The following METTL8 variants were observed in gnomAD, a reference collection of about 807,000 sequenced individuals.
The protein encoded by METTL8 is tRNA N(3)-cytidine methyltransferase METTL8, mitochondrial.
A neutral mutation model predicts 48.7 loss-of-function variants in METTL8; 32 were observed. The ratio of observed to expected loss-of-function variants is 0.66; its 90% CI spans 0.50 to 0.88. The LOEUF (loss-of-function observed/expected upper bound fraction) is 0.88, where lower values mean the gene tolerates loss of function less well. Among genes scored for constraint, METTL8 ranks in the 40% least tolerant of loss-of-function variants. METTL8 has a pLI of 0.00. For missense variants in METTL8, 464 were observed against 474.4 expected (o/e 0.98, Z 0.20); for synonymous variants, 136 against 157.1 (o/e 0.87, Z 1.01).
chr2:171,326,317 C>A (rs1684953113), intron 7 of METTL8, 169 bp from the exon 8 acceptor site: 5 of 544,924 alleles, frequency 9.2e-6, no homozygotes, highest in South Asian at 8.7e-5. Context: ...GAAGAAAAAA[C>A]CAAAACCAAC....
At chr2:171,402,098 T>C (rs2105595280) in intron 1 of METTL8, among the ~76,000 whole-genome samples, 1 of 152,244 alleles carries the variant, frequency 6.6e-6, no homozygotes, top group Admixed American at 6.5e-5. Flanking sequence ...GTGGTGGCTC[T>C]GAGAAGCTTT....
chr2:171,413,319 A>G (rs1282024021), intron 1 of METTL8, among the ~76,000 whole-genome samples: 2 of 152,238 alleles, frequency 1.3e-5, no homozygotes, highest in African/African-American at 4.8e-5. Context: ...TATCTGTGTG[A>G]GATCAGATTT....
At chr2:171,384,814 A>T (rs890072174) in intron 2 of METTL8, among the ~76,000 whole-genome samples, 1 of 152,204 alleles carries the variant, frequency 6.6e-6, no homozygotes, top group Non-Finnish European at 1.5e-5. Context: ...TCTAGGTGAC[A>T]GAGCAAGATG....
At chr2:171,391,674 A>G (rs1225386562) in intron 2 of METTL8, among the ~76,000 whole-genome samples, 1 of 152,198 alleles carries the variant, frequency 6.6e-6, no homozygotes, top group Non-Finnish European at 1.5e-5. Context: ...ACTGATCTGC[A>G]TTTGCTGGAT....
chr2:171,374,408 G>C (rs62181354), intron 2 of METTL8, among the ~76,000 whole-genome samples: 12,292 of 152,114 alleles, frequency 0.081, 526 homozygotes, highest in Middle Eastern at 0.099. Context: ...CCCATCTCTT[G>C]ATTTCAGTAT....
chr2:171,347,368 T>C (rs1683387957), intron 3 of METTL8, among the ~76,000 whole-genome samples: 3 of 152,198 alleles, frequency 2.0e-5, no homozygotes, highest in African/African-American at 7.2e-5. Context: ...TCATTTTCCT[T>C]TACTGCGGTT....
rs988495633 is a variant in METTL8 at position 171,315,962 on chromosome 2, G to A, written c.*8210C>T. Among the ~76,000 whole-genome samples, 15 of 152,210 alleles carry A rather than the reference G, an allele frequency of 9.9e-5. No homozygotes were observed. The highest frequency in any genetic ancestry group is 8.5e-4 in the Admixed American group (13 of 15,290). On this transcript the variant is annotated 3_prime_UTR_variant, in exon 10 of 10. Transcript: ENST00000375258. ...TATACCAGGCCAGGCACTTGCCAAT[G>A]ACACTGGAGTAGGGGTAAGCCCTGG... is the stretch of plus-strand genomic sequence containing the variant.
At chr2:171,361,806 G>A (rs989025944) in intron 2 of METTL8, among the ~76,000 whole-genome samples, 1 of 152,156 alleles carries the variant, frequency 6.6e-6, no homozygotes, top group Non-Finnish European at 1.5e-5. Flanking sequence ...GATTTAAGAT[G>A]TAATGTTTGT....
chr2:171,427,621 C>T (rs1026625513), intron 1 of METTL8, among the ~76,000 whole-genome samples: 2 of 152,138 alleles, frequency 1.3e-5, no homozygotes, highest in African/African-American at 4.8e-5. Context: ...CAGATCAGCT[C>T]CTCCTCATCA....
chr2:171,409,529 C>T (rs1329134833), intron 1 of METTL8, among the ~76,000 whole-genome samples: 1 of 152,058 alleles, frequency 6.6e-6, no homozygotes, highest in East Asian at 1.9e-4. Context: ...ACAGTGCAAG[C>T]GGGAGGCAAA....
In METTL8 at chr2:171,362,785, T is replaced by C. The variant is rs528902951; in HGVS notation, c.144-2272A>G. 9.2e-4 allele frequency among the ~76,000 whole-genome samples: 140 copies of C among 152,234 alleles called. 1 individual carries two copies. Among genetic ancestry groups the C allele is most frequent in the African/African-American group, 3.1e-3 (130 of 41,558 alleles). ...AGAATAGTTTTTGTTTTGACTTATTTTGACTTACTTTAACATATGTGAGCA... is the reference window on the plus strand; with the variant it reads ...AGAATAGTTTTTGTTTTGACTTATTCTGACTTACTTTAACATATGTGAGCA... On this transcript the variant is annotated intron_variant, in intron 2 of 9. Transcript: ENST00000375258.
At chr2:171,369,031 C>T (rs559796565) in intron 2 of METTL8, among the ~76,000 whole-genome samples, 13 of 151,978 alleles carry the variant, frequency 8.6e-5, no homozygotes, top group South Asian at 4.2e-4. Context: ...TCCAGCCAGG[C>T]GCGGTGGCTC....
intron 2 of METTL8, among the ~76,000 whole-genome samples, chr2:171,378,829 G>A (rs1473703758): frequency 1.3e-5 from 2 of 152,124 alleles, no homozygotes. Context: ...ACACCCCACT[G>A]TCAATACTGG....
chr2:171,380,787 T>C (rs1047657954), intron 2 of METTL8, among the ~76,000 whole-genome samples: 5 of 152,182 alleles, frequency 3.3e-5, no homozygotes, highest in Non-Finnish European at 5.9e-5. Flanking sequence ...TGCTCACAGA[T>C]AGGAACACTC....
intron 3 of METTL8, among the ~76,000 whole-genome samples, chr2:171,341,636 C>T (rs1041439841): frequency 1.3e-5 from 2 of 151,710 alleles, no homozygotes; most frequent in African/African-American, 4.8e-5. Flanking sequence ...GCCTAATCCA[C>T]GCATTAGGAA....
At chr2:171,379,877 A>T (rs1687343007) in intron 2 of METTL8, among the ~76,000 whole-genome samples, 1 of 152,026 alleles carries the variant, frequency 6.6e-6, no homozygotes, top group Non-Finnish European at 1.5e-5. Flanking sequence ...AAAAGGAGGG[A>T]CTCCTCCCTA....
intron 7 of METTL8, among the ~76,000 whole-genome samples, chr2:171,329,348 T>A (rs1335866137): frequency 6.6e-6 from 1 of 152,246 alleles, no homozygotes; most frequent in Non-Finnish European, 1.5e-5. Flanking sequence ...TCTGAACTAA[T>A]TTCAAATAGT....
chr2:171,369,918 T>C (rs935654055), intron 2 of METTL8, among the ~76,000 whole-genome samples: 3 of 151,796 alleles, frequency 2.0e-5, no homozygotes, highest in Non-Finnish European at 4.4e-5. Flanking sequence ...ATACAAAAAT[T>C]AGCTGGGCAT....
chr2:171,356,960 T>TTTTTTTTTTTTTTTC lies in METTL8; in HGVS notation c.235+3461_235+3462insGAAAAAAAAAAAAAA, dbSNP rs1559101921. Among the ~76,000 whole-genome samples, 59 of 123,696 alleles carry TTTTTTTTTTTTTTTC rather than the reference T, an allele frequency of 4.8e-4. 6 individuals are homozygous for TTTTTTTTTTTTTTTC. Among genetic ancestry groups the TTTTTTTTTTTTTTTC allele is most frequent in the African/African-American group, 1.6e-3 (57 of 34,552 alleles). The allele number at this position is 123,696 out of a possible 152,430, so 81.1% of individuals were successfully genotyped here. A position where few individuals can be genotyped will look rare whatever the true frequency, so the allele number is the denominator to read the frequency against. On this transcript the variant is annotated intron_variant, in intron 3 of 9. Coordinates refer to ENST00000375258, the MANE Select transcript of METTL8 (RefSeq NM_001321154.2). ...CCTTGTTCAAAGACAATATTTTTTT[T>TTTTTTTTTTTTTTTC]TTTTTTTTTGAGACAGGGTCTTACT...
Sources: allele counts gnomAD v4.1 joint callset (sites outside exome capture counted in the v4.1 genomes callset), GRCh38; gene constraint gnomAD v4.1.1; transcripts MANE v1.5; gene names NCBI Gene and HGNC (gene_info 2026-07-23, HGNC 2026-07-21).